PCDHGA12: variants seen among roughly 807,000 people sequenced by gnomAD.
PCDHGA12 encodes protocadherin gamma subfamily A, 12.
In PCDHGA12, 43 loss-of-function variants were observed where a neutral mutation model predicts 61.1. That is an observed-to-expected ratio of 0.70 (90% CI 0.55 to 0.91). The LOEUF is 0.91. Among genes scored for constraint, PCDHGA12 ranks in the 40% least tolerant of loss-of-function variants. The pLI is 0.00. For synonymous variants in PCDHGA12, 520 were observed against 542.9 expected (o/e 0.96, Z 0.59); for missense variants, 1,236 against 1,227.7 (o/e 1.01, Z -0.10).
At chr5:141,463,165 C>G (rs1042153238) in intron 1 of PCDHGA12, among the ~76,000 whole-genome samples, 1 of 152,148 alleles carries the variant, frequency 6.6e-6, no homozygotes, top group Non-Finnish European at 1.5e-5. Context: ...TCAGTGCACT[C>G]TATGTATGCT....
chr5:141,490,618 A>G lies in PCDHGA12; in HGVS notation c.2425-4189A>G, dbSNP rs1463273520. On this transcript the variant is annotated intron_variant, in intron 1 of 3. Transcript: ENST00000252085. The surrounding 1 kb of genome is among the most constrained non-coding windows in gnomAD (Gnocchi z 5.4). ...ACCCCGCTTCAACCAGCAGCTTTAC[A>G]CTGCTTACATCCTAGAAAACCGGCC... 4.3e-6 allele frequency: 7 copies of G among 1,613,986 alleles called. No homozygotes were observed. Among genetic ancestry groups the G allele is most frequent in the Admixed American group, 1.7e-5 (1 of 59,996 alleles).
Position 141,511,066 on chromosome 5 carries a change from C to T in PCDHGA12, c.2692C>T (p.Pro898Ser). Residue 898 changes from proline to serine, a missense_variant, in exon 4 of 4, where the codon CCA (proline) becomes TCA (serine). Physicochemically the swap from Pro to Ser is moderately conservative, Grantham distance 74. Transcript: ENST00000252085. The part of the protein sequence containing the change: ...VPDYRQNVYI[P>S]GSNATLTNAA... ...CGACTACCGCCAGAATGTCTACATC[C>T]CAGGCAGCAATGCCACACTGACCAA... 1.2e-6 allele frequency: 2 copies of T among 1,614,230 alleles called. No individual in the cohort carries two copies. Among genetic ancestry groups the T allele is most frequent in the Non-Finnish European group, 1.7e-6 (2 of 1,180,036 alleles).
In PCDHGA12 at chr5:141,485,624, C is replaced by T; in HGVS notation, c.2425-9183C>T. 1 of 1,611,640 alleles carries T rather than the reference C, an allele frequency of 6.2e-7. No homozygotes were observed. The highest frequency in any genetic ancestry group is 1.1e-5 in the South Asian group (1 of 90,868). The stretch of plus-strand genomic sequence containing the variant: ...TGGGGAGGCAGCTCCTCCAGGACAG[C>T]GTTTCCCGTTGGAAAAGGCTCAGGA... On this transcript the variant is annotated intron_variant, in intron 1 of 3. Transcript: ENST00000252085. This position sits in a 1 kb window ranked among gnomAD's most constrained non-coding sequence, Gnocchi z 5.7.
chr5:141,431,916 T>C lies in PCDHGA12; in HGVS notation c.1157T>C (p.Ile386Thr), dbSNP rs2097428336. 1 of 1,614,056 alleles carries C rather than the reference T, an allele frequency of 6.2e-7. No homozygotes were observed. Among genetic ancestry groups the C allele is most frequent in the Middle Eastern group, 1.6e-4 (1 of 6,062 alleles). ...GAAAACGGACAGGTGATCTGTTTCA[T>C]CCAAGGAAATCTGCCCTTTAAATTA... ...SEENGQVICFIQGNLPFKLEK... is the reference protein window; with the variant it reads ...SEENGQVICFTQGNLPFKLEK... Residue 386 changes from isoleucine to threonine, a missense_variant, in exon 1 of 4, where the codon ATC becomes ACC. Physicochemically the swap from Ile to Thr is moderately conservative, Grantham distance 89. Transcript: ENST00000252085. The surrounding 1 kb of genome is among the most constrained non-coding windows in gnomAD (Gnocchi z 4.8).
intron 1 of PCDHGA12, among the ~76,000 whole-genome samples, chr5:141,462,941 G>A (rs1667222225): frequency 6.6e-6 from 1 of 152,158 alleles, no homozygotes; most frequent in Non-Finnish European, 1.5e-5. Flanking sequence ...TTCAAGGCTT[G>A]TTTTTAAGCT....
rs764389909 is a variant in PCDHGA12, at chr5:141,491,064, ACTGTTG to A, written c.2425-3741_2425-3736del. On this transcript the variant is annotated intron_variant, in intron 1 of 3. Transcript: ENST00000252085. The surrounding 1 kb of genome is among the most constrained non-coding windows in gnomAD (Gnocchi z 6.9). ...GCCACAATGCGTGGCTCTCCTACTCACTGTTGCCACAGTCCACAGCCCCAGGACTGT... is the reference window on the plus strand; with the variant it reads ...GCCACAATGCGTGGCTCTCCTACTCACCACAGTCCACAGCCCCAGGACTGT... 1.2e-6 allele frequency: 2 copies of A among 1,613,962 alleles called. No homozygotes were observed. Among genetic ancestry groups the A allele is most frequent in the Admixed American group, 3.3e-5 (2 of 60,010 alleles).
intron 1 of PCDHGA12, among the ~76,000 whole-genome samples, chr5:141,494,199 G>A (rs1033914239): frequency 1.3e-5 from 2 of 152,160 alleles, no homozygotes; most frequent in South Asian, 2.1e-4. Context: ...TGGATGCCCC[G>A]CAAAGGCCCA....
At chr5:141,457,062 T>C (rs1168687034) in intron 1 of PCDHGA12, among the ~76,000 whole-genome samples, 1 of 152,232 alleles carries the variant, frequency 6.6e-6, no homozygotes, top group Non-Finnish European at 1.5e-5. Context: ...GCTTCCTTTT[T>C]GCCAGTAACT....
intron 1 of PCDHGA12, chr5:141,441,578 C>T (rs889509502): frequency 2.9e-5 from 6 of 207,738 alleles, no homozygotes; most frequent in Non-Finnish European, 5.9e-5. Flanking sequence ...CCAACCTAGA[C>T]TTGGGACCCA....
At chr5:141,459,315 T>C (rs2154566534) in intron 1 of PCDHGA12, among the ~76,000 whole-genome samples, 1 of 152,362 alleles carries the variant, frequency 6.6e-6, no homozygotes, top group East Asian at 1.9e-4. Context: ...CTATTTTGTA[T>C]CCATCTTCTT....
chr5:141,490,796 A>G lies in PCDHGA12; in HGVS notation c.2425-4011A>G. ...CCAGAGGATGGACGGATCTTTGCCC[A>G]GCGTACCTTTGACTATGAATTGCTG... On this transcript the variant is annotated intron_variant, in intron 1 of 3. Coordinates refer to ENST00000252085, the MANE Select transcript of PCDHGA12 (RefSeq NM_003735.3). The surrounding 1 kb of genome is among the most constrained non-coding windows in gnomAD (Gnocchi z 5.4). The G allele has an allele frequency of 6.2e-7, 1 of 1,613,978 alleles. No individual in the cohort carries two copies. The highest frequency in any genetic ancestry group is 8.5e-7 in the Non-Finnish European group (1 of 1,179,904).
intron 1 of PCDHGA12, among the ~76,000 whole-genome samples, chr5:141,475,732 C>T (rs2099367914): frequency 6.6e-6 from 1 of 152,248 alleles, no homozygotes; most frequent in Non-Finnish European, 1.5e-5. Context: ...GCTGGCTTTC[C>T]CTAAGGTAGG....
At chr5:141,455,394 C>T (rs1034564159) in intron 1 of PCDHGA12, among the ~76,000 whole-genome samples, 2 of 152,004 alleles carry the variant, frequency 1.3e-5, no homozygotes, top group African/African-American at 4.8e-5. Context: ...AAGGAGCTCC[C>T]CCTTACAGAG....
chr5:141,487,783 G>T lies in PCDHGA12; in HGVS notation c.2425-7024G>T. The T allele has an allele frequency of 6.6e-7, 1 of 1,522,846 alleles. No homozygotes were observed. The allele number at this position is 1,522,846 out of a possible 1,614,324, so 94.3% of individuals were successfully genotyped here. ...ACGCTGTGCTTTGTAACTGTTTCGT[G>T]AATTAACCAGAGTTGTCACAGTTTA... is the stretch of plus-strand genomic sequence containing the variant. On this transcript the variant is annotated intron_variant, in intron 1 of 3. Transcript: ENST00000252085. The surrounding 1 kb of genome is among the most constrained non-coding windows in gnomAD (Gnocchi z 5.0).
intron 3 of PCDHGA12, among the ~76,000 whole-genome samples, chr5:141,509,040 C>T (rs1217864661): frequency 6.6e-6 from 1 of 152,132 alleles, no homozygotes; most frequent in African/African-American, 2.4e-5. Context: ...CAACCCCTCT[C>T]CCCCGCCCCC....
intron 1 of PCDHGA12, among the ~76,000 whole-genome samples, chr5:141,449,339 G>T (rs1307731679): frequency 6.6e-6 from 1 of 151,930 alleles, no homozygotes; most frequent in Non-Finnish European, 1.5e-5. Context: ...AGGTGCAGTG[G>T]CTCACTCCTG....
At chr5:141,438,366 G>A (rs749623408) in intron 1 of PCDHGA12, among the ~76,000 whole-genome samples, 6 of 151,462 alleles carry the variant, frequency 4.0e-5, no homozygotes, top group Non-Finnish European at 7.4e-5. Context: ...TTGTCATTGA[G>A]GGCAGATATA....
chr5:141,448,103 A>G (rs1252710550), intron 1 of PCDHGA12, among the ~76,000 whole-genome samples: 2 of 151,992 alleles, frequency 1.3e-5, no homozygotes, highest in Non-Finnish European at 2.9e-5. Context: ...AAAAAATTAA[A>G]AGAAAAGAAA....
chr5:141,432,521 G>A lies in PCDHGA12; in HGVS notation c.1762G>A (p.Val588Met). The stretch of plus-strand genomic sequence containing the variant: ...CCGCTCCGCAGAGCCCGGCTACCTG[G>A]TGACCAAGGTGGTGGCGGTGGACAG... ...APRSAEPGYLVTKVVAVDRDS... is the reference protein window; with the variant it reads ...APRSAEPGYLMTKVVAVDRDS... Residue 588 changes from valine to methionine, a missense_variant, in exon 1 of 4, where the codon GTG becomes ATG. Physicochemically the swap from Val to Met is conservative, Grantham distance 21. Coordinates refer to ENST00000252085, the MANE Select transcript of PCDHGA12 (RefSeq NM_003735.3). The surrounding 1 kb of genome is among the most constrained non-coding windows in gnomAD (Gnocchi z 6.0). The A allele has an allele frequency of 6.2e-7, 1 of 1,614,112 alleles. No homozygotes were observed. Among genetic ancestry groups the A allele is most frequent in the Non-Finnish European group, 8.5e-7 (1 of 1,180,028 alleles).
Sources: allele counts gnomAD v4.1 joint callset (sites outside exome capture counted in the v4.1 genomes callset), GRCh38; gene constraint gnomAD v4.1.1; non-coding constraint Gnocchi (gnomAD v3.1); transcripts MANE v1.5; gene names NCBI Gene and HGNC (gene_info 2026-07-23, HGNC 2026-07-21).